SHROOM4: variants seen among roughly 807,000 people sequenced by gnomAD.
The protein encoded by SHROOM4 is shroom family member 4.
In SHROOM4, 17 loss-of-function variants were observed where a neutral mutation model predicts 80.3. The observed-to-expected ratio is 0.21, with a 90% CI of 0.14 to 0.32. The LOEUF is 0.32. Ranked by LOEUF, SHROOM4 falls within the 10% of genes least tolerant of loss-of-function variation. SHROOM4 has a pLI of 1.00. For synonymous variants in SHROOM4, 400 were observed against 437.5 expected (o/e 0.91, Z 1.07); for missense variants, 993 against 1,140.3 (o/e 0.87, Z 1.86).
In SHROOM4 at chrX:50,661,096, G is replaced by GT. The variant is rs1932493849; in HGVS notation, c.270-22789dup. Among the ~76,000 whole-genome samples the GT allele has an allele frequency of 3.6e-5, 4 of 111,073 alleles. No homozygotes were observed. In the Admixed American group the frequency reaches 3.8e-4, roughly 11 times the overall value. On this transcript the variant is annotated intron_variant, in intron 2 of 8. Transcript: ENST00000376020. The stretch of plus-strand genomic sequence containing the variant: ...TATCAGATGCAAAACCTTTTCCCCA[G>GT]TTTTTTTCTTTGGATTTTATTTTTG...
chrX:50,716,997 G>A (rs782155377), intron 1 of SHROOM4, among the ~76,000 whole-genome samples: 2 of 112,372 alleles, frequency 1.8e-5, no homozygotes, highest in Non-Finnish European at 3.8e-5. Context: ...AGTCGTACCT[G>A]ACGTACGATG....
intron 2 of SHROOM4, among the ~76,000 whole-genome samples, chrX:50,683,376 G>A (rs1557261971): frequency 9.0e-6 from 1 of 111,023 alleles, no homozygotes; most frequent in African/African-American, 3.3e-5. Context: ...AACACAATAG[G>A]GAACTTTGAA....
At chrX:50,583,034 T>C (rs1419290027), downstream of SHROOM4, among the ~76,000 whole-genome samples, 1 of 109,219 alleles carries the variant, frequency 9.2e-6, no homozygotes, top group African/African-American at 3.3e-5. Context: ...AATTAAAATA[T>C]ATAGAACATA....
intron 1 of SHROOM4, among the ~76,000 whole-genome samples, chrX:50,807,211 A>G (rs1208697014): frequency 2.7e-5 from 3 of 112,036 alleles, no homozygotes; most frequent in Non-Finnish European, 5.6e-5. Flanking sequence ...TCCAGCTCAG[A>G]TGACAACTGG....
At chrX:50,803,488 A>G (rs1425256332) in intron 1 of SHROOM4, among the ~76,000 whole-genome samples, 1 of 112,066 alleles carries the variant, frequency 8.9e-6, no homozygotes, top group Non-Finnish European at 1.9e-5. Context: ...TAGGACATGC[A>G]GTGCTTGTAG....
At chrX:50,699,873 A>G (rs1933471739) in intron 1 of SHROOM4, among the ~76,000 whole-genome samples, 1 of 112,236 alleles carries the variant, frequency 8.9e-6, no homozygotes, top group South Asian at 3.7e-4. Flanking sequence ...CTTTGAATAC[A>G]TTTAGGAGAT....
chrX:50,740,283 AC>A (rs1473185745), intron 1 of SHROOM4, among the ~76,000 whole-genome samples: 1 of 109,172 alleles, frequency 9.2e-6, no homozygotes, highest in Non-Finnish European at 1.9e-5. Flanking sequence ...TACATATGTA[AC>A]AAACCTGCAC....
intron 2 of SHROOM4, among the ~76,000 whole-genome samples, chrX:50,659,917 T>C (rs889478978): frequency 8.9e-6 from 1 of 112,501 alleles, no homozygotes; most frequent in African/African-American, 3.2e-5. Flanking sequence ...TATCCACATA[T>C]ACTTTTCTTA....
chrX:50,687,682 A>T (rs1557262361), intron 2 of SHROOM4, among the ~76,000 whole-genome samples: 2 of 111,442 alleles, frequency 1.8e-5, no homozygotes, highest in African/African-American at 6.5e-5. Flanking sequence ...CATAATCTTA[A>T]TGCTGGTCCA....
rs1557255372 is a variant in SHROOM4, at chrX:50,634,800, G to A, written c.1273C>T (p.His425Tyr). The change falls in exon 4 of 9, where the codon CAC (histidine) becomes TAC (tyrosine). Residue 425 changes from histidine (H) to tyrosine (Y), a missense_variant. By Grantham distance (83) the His-to-Tyr change is moderately conservative. Transcript: ENST00000376020. ...CCTTTGCTGCCCCTGGTATCAAGGT[G>A]CACATGCTGCAGGTGGGATGCCAGC... Reference protein sequence around the residue: ...QLLASHLQHVHLDTRGSKGME... With the variant: ...QLLASHLQHVYLDTRGSKGME... 8.3e-7 allele frequency: 1 copy of A among 1,211,511 alleles called. No individual in the cohort carries two copies. The highest frequency in any genetic ancestry group is 1.1e-6 in the Non-Finnish European group (1 of 895,380).
At chrX:50,694,066 C>T (rs1350721900) in intron 2 of SHROOM4, among the ~76,000 whole-genome samples, 1 of 111,569 alleles carries the variant, frequency 9.0e-6, no homozygotes, top group East Asian at 2.8e-4. Flanking sequence ...ATGGCTGAAT[C>T]GTATTCCATT....
At position 50,598,475 on chromosome X, in the gene SHROOM4, G is replaced by A. The variant is rs150120689; in HGVS notation, c.4003C>T (p.Leu1335=). The change falls in exon 8 of 9, where the codon CTG becomes TTG. Residue 1335 remains leucine (L), a synonymous_variant. Transcript: ENST00000376020. ...LSVLREAQRG[L]LEDINANSAL... is the part of the protein sequence containing the mutation. ...GAATTGGCATTGATGTCCTCTAGCA[G>A]CCCTCGCTGGGCCTCCCGCAAGACA... is the stretch of plus-strand genomic sequence containing the variant. 80 of 1,205,846 alleles carry A rather than the reference G, an allele frequency of 6.6e-5. No homozygotes were observed. In the East Asian group the frequency reaches 1.4e-3, roughly 21 times the overall value.
intron 1 of SHROOM4, among the ~76,000 whole-genome samples, chrX:50,702,602 A>G (rs1933547566): frequency 8.9e-6 from 1 of 112,094 alleles, no homozygotes; most frequent in African/African-American, 3.2e-5. Context: ...AAGAGAGGTG[A>G]TAATTTGAAA....
the SHROOM4 span, among the ~76,000 whole-genome samples, chrX:50,577,256 A>G: frequency 1.8e-5 from 2 of 112,693 alleles, no homozygotes; most frequent in Non-Finnish European, 3.7e-5. Context: ...TTTTCCTTTG[A>G]AGTAAGACTC....
At chrX:50,726,930 A>G (rs1877503590) in intron 1 of SHROOM4, among the ~76,000 whole-genome samples, 2 of 112,726 alleles carry the variant, frequency 1.8e-5, no homozygotes, top group South Asian at 7.4e-4. Context: ...ATCCACTGAC[A>G]GCTTGCACTG....
At position 50,594,344 on chromosome X, in the gene SHROOM4, T is replaced by G. The variant is rs2147200816; in HGVS notation, c.*2351A>C. The G allele has an allele frequency of 8.9e-6, 1 of 112,653 alleles. No homozygotes were observed. The highest frequency in any genetic ancestry group is 3.2e-5 in the African/African-American group (1 of 31,050). The allele number at this position is 112,653 out of a possible 1,213,427, so 9.3% of individuals were successfully genotyped here. On this transcript the variant is annotated 3_prime_UTR_variant, in exon 9 of 9. Transcript: ENST00000376020. Reference sequence around the variant, plus strand: ...TCACTGCTAGATATACTTTTGGGGTTATTTTTTAAATGCTTTGGCAACTTT... The same window carrying G: ...TCACTGCTAGATATACTTTTGGGGTGATTTTTTAAATGCTTTGGCAACTTT...
chrX:50,734,504 C>T (rs1342174941), intron 1 of SHROOM4, among the ~76,000 whole-genome samples: 1 of 111,209 alleles, frequency 9.0e-6, no homozygotes, highest in Non-Finnish European at 1.9e-5. Flanking sequence ...ACCTCTGCCT[C>T]CTGGGTTCAA....
rs1354445199 is a variant in SHROOM4, at chrX:50,587,042, C to A, written c.*9653G>T. ...TAGATTTATACATCTTATGTAGCTG[C>A]AACTTTGTAGCTTTGACCAACATCC... On this transcript the variant is annotated 3_prime_UTR_variant, in exon 9 of 9. Transcript: ENST00000376020. Among the ~76,000 whole-genome samples, 2 of 111,973 alleles carry A rather than the reference C, an allele frequency of 1.8e-5. No homozygotes were observed. Among genetic ancestry groups the A allele is most frequent in the Non-Finnish European group, 3.8e-5 (2 of 53,184 alleles).
At position 50,598,372 on chromosome X, in the gene SHROOM4, A is replaced by G. The variant is rs1929223998; in HGVS notation, c.4106T>C (p.Val1369Ala). The part of the protein sequence containing the change: ...SNEFEKYHLF[V>A]GDLDKVVNLL... ...GTTGACCACTTTGTCCAGGTCCCCA[A>G]CAAACAAGTGGTACTTTTCAAATTC... The change falls in exon 8 of 9, where the codon GTT becomes GCT. Residue 1369 changes from valine to alanine, a missense_variant. Val to Ala is a moderately conservative substitution (Grantham distance 64, BLOSUM62 0). Transcript: ENST00000376020. 8.3e-7 allele frequency: 1 copy of G among 1,211,223 alleles called. No individual in the cohort carries two copies. The highest frequency in any genetic ancestry group is 3.0e-5 in the East Asian group (1 of 33,809).
Sources: allele counts gnomAD v4.1 joint callset (sites outside exome capture counted in the v4.1 genomes callset), GRCh38; gene constraint gnomAD v4.1.1; transcripts MANE v1.5; gene names NCBI Gene and HGNC (gene_info 2026-07-23, HGNC 2026-07-21).